LRRC4C: variants seen among roughly 807,000 people sequenced by gnomAD.
LRRC4C encodes leucine-rich repeat-containing protein 4C.
Under a neutral mutation model 33.6 loss-of-function variants are expected in LRRC4C, and 5 were observed. The observed-to-expected ratio is 0.15, with a 90% CI of 0.08 to 0.31. The LOEUF is 0.31. Ranked by LOEUF, LRRC4C falls within the 10% of genes least tolerant of loss-of-function variation. The pLI is 1.00. For synonymous variants in LRRC4C, 329 were observed against 302.0 expected, an observed-to-expected ratio of 1.09 and a Z score of -0.93; for missense variants, 560 against 796.7, an observed-to-expected ratio of 0.70 and a Z score of 3.58.
intron 1 of LRRC4C, among the ~76,000 whole-genome samples, chr11:41,049,854 A>G (rs1216611812): frequency 6.6e-6 from 1 of 152,212 alleles, no homozygotes; most frequent in Non-Finnish European, 1.5e-5. Context: ...CTGGTTTCAG[A>G]AAGCAGAGAC....
intron 1 of LRRC4C, among the ~76,000 whole-genome samples, chr11:40,953,893 G>A (rs903712213): frequency 6.6e-6 from 1 of 151,786 alleles, no homozygotes; most frequent in African/African-American, 2.4e-5. Flanking sequence ...TACAAAAGGG[G>A]AACACTGCAT....
At chr11:41,193,937 C>T (rs1361386311) in intron 1 of LRRC4C, among the ~76,000 whole-genome samples, 1 of 151,718 alleles carries the variant, frequency 6.6e-6, no homozygotes, top group African/African-American at 2.4e-5. Flanking sequence ...TGATTTTTTT[C>T]ATAAAGTCAC....
At chr11:40,637,150 T>A (rs1941800740) in intron 3 of LRRC4C, among the ~76,000 whole-genome samples, 1 of 152,214 alleles carries the variant, frequency 6.6e-6, no homozygotes, top group South Asian at 2.1e-4. Context: ...AAAACCAAGT[T>A]TTATACCATC....
rs61887984 is a variant in LRRC4C, at chr11:40,739,025, G to A, written c.-406-90747C>T. 5.6e-3 allele frequency among the ~76,000 whole-genome samples: 414 copies of A among 74,526 alleles called. 4 individuals are homozygous for A. Among genetic ancestry groups the A allele is most frequent in the Middle Eastern group, 0.017 (2 of 118 alleles). 48.9% of individuals were successfully genotyped at this position (74,526 alleles called of 152,430 possible). On this transcript the variant is annotated intron_variant, in intron 2 of 6. Coordinates refer to ENST00000528697, the MANE Select transcript of LRRC4C (RefSeq NM_001258419.2). Reference sequence around the variant, plus strand: ...ATTGCTATTGTGTGTGTGTGTGTGTGTGTATGTGTGTGTGTGTGTGTGTGT... The same window carrying A: ...ATTGCTATTGTGTGTGTGTGTGTGTATGTATGTGTGTGTGTGTGTGTGTGT...
At chr11:41,458,285 A>G (rs1956233123) in intron 1 of LRRC4C, among the ~76,000 whole-genome samples, 1 of 152,134 alleles carries the variant, frequency 6.6e-6, no homozygotes, top group Non-Finnish European at 1.5e-5. Flanking sequence ...TCTTAAGGAT[A>G]AACCATCCAC....
chr11:40,658,389 G>T (rs1010967439), intron 2 of LRRC4C, among the ~76,000 whole-genome samples: 3 of 152,174 alleles, frequency 2.0e-5, no homozygotes, highest in African/African-American at 7.2e-5. Flanking sequence ...TTATTTCATG[G>T]TTCTGTAACC....
chr11:40,364,957 G>A (rs1482105078), intron 3 of LRRC4C, among the ~76,000 whole-genome samples: 4 of 151,542 alleles, frequency 2.6e-5, no homozygotes, highest in Non-Finnish European at 5.9e-5. Context: ...CCTATATTTA[G>A]CAAAAATATC....
intron 3 of LRRC4C, among the ~76,000 whole-genome samples, chr11:40,354,843 T>C (rs1211629211): frequency 2.0e-5 from 3 of 152,090 alleles, no homozygotes; most frequent in Admixed American, 2.0e-4. Context: ...GTGGCCAACC[T>C]GGTACCCAAG....
intron 3 of LRRC4C, among the ~76,000 whole-genome samples, chr11:40,356,496 A>C (rs879590284): frequency 6.6e-6 from 1 of 152,196 alleles, no homozygotes; most frequent in Non-Finnish European, 1.5e-5. Flanking sequence ...AAGGAACTTC[A>C]ATGTCTGGCC....
At chr11:41,230,425 G>A (rs938534240) in intron 1 of LRRC4C, among the ~76,000 whole-genome samples, 1 of 152,026 alleles carries the variant, frequency 6.6e-6, no homozygotes, top group Non-Finnish European at 1.5e-5. Context: ...TCAGTGGAGA[G>A]GCAAATCCCA....
intron 2 of LRRC4C, among the ~76,000 whole-genome samples, chr11:40,703,453 C>A (rs1945981752): frequency 6.6e-6 from 1 of 151,996 alleles, no homozygotes. Flanking sequence ...GTAATGGGTG[C>A]CTGTAGTTCC....
chr11:40,256,441 C>G (rs1867208387), intron 4 of LRRC4C, among the ~76,000 whole-genome samples: 1 of 152,072 alleles, frequency 6.6e-6, no homozygotes, highest in Non-Finnish European at 1.5e-5. Flanking sequence ...CCTTCCCTTC[C>G]TTCTCTGCCC....
chr11:40,498,725 T>C (rs1426981854), intron 3 of LRRC4C, among the ~76,000 whole-genome samples: 1 of 150,804 alleles, frequency 6.6e-6, no homozygotes, highest in Admixed American at 6.6e-5. Flanking sequence ...TAATAAACAA[T>C]GATTATGTCT....
intron 4 of LRRC4C, among the ~76,000 whole-genome samples, chr11:40,265,717 TC>T (rs1942201280): frequency 6.6e-6 from 1 of 152,164 alleles, no homozygotes; most frequent in Non-Finnish European, 1.5e-5. Flanking sequence ...TCAATAAAAT[TC>T]AGCTCAGGCA....
At chr11:40,481,996 A>G (rs1953594695) in intron 3 of LRRC4C, among the ~76,000 whole-genome samples, 1 of 152,200 alleles carries the variant, frequency 6.6e-6, no homozygotes, top group Admixed American at 6.5e-5. Flanking sequence ...ATATTTGTAA[A>G]AGATTAGAAA....
intron 1 of LRRC4C, among the ~76,000 whole-genome samples, chr11:40,981,919 T>A (rs547987009): frequency 1.4e-4 from 21 of 152,340 alleles, no homozygotes; most frequent in African/African-American, 5.1e-4. Flanking sequence ...AACAAAGCCT[T>A]AAAGATTAAT....
intron 6 of LRRC4C, among the ~76,000 whole-genome samples, chr11:40,139,215 C>T (rs770472313): frequency 9.9e-5 from 15 of 152,108 alleles, no homozygotes; most frequent in Non-Finnish European, 1.9e-4. Context: ...AAACAGTGAG[C>T]TATCAATGCT....
intron 1 of LRRC4C, among the ~76,000 whole-genome samples, chr11:41,216,785 C>A (rs949744563): frequency 1.3e-5 from 2 of 151,638 alleles, no homozygotes; most frequent in Non-Finnish European, 2.9e-5. Flanking sequence ...GTAGATTTTG[C>A]ATGATCTCCT....
intron 1 of LRRC4C, among the ~76,000 whole-genome samples, chr11:41,268,020 A>C (rs1949206454): frequency 6.6e-6 from 1 of 152,102 alleles, no homozygotes; most frequent in Non-Finnish European, 1.5e-5. Flanking sequence ...CCATGCAGGT[A>C]AGTGTTTATT....
Sources: allele counts gnomAD v4.1 joint callset (sites outside exome capture counted in the v4.1 genomes callset), GRCh38; gene constraint gnomAD v4.1.1; transcripts MANE v1.5; gene names NCBI Gene and HGNC (gene_info 2026-07-23, HGNC 2026-07-21).